Variants in DISC1 observed in about 807,000 individuals in gnomAD.
The protein encoded by DISC1 is DISC1 scaffold protein.
In DISC1, 57 loss-of-function variants were observed where a neutral mutation model predicts 84.5. The observed-to-expected ratio is 0.67, with a 90% CI of 0.55 to 0.84. The LOEUF (loss-of-function observed/expected upper bound fraction) is 0.84, where lower values mean the gene tolerates loss of function less well. Among genes scored for constraint, DISC1 ranks in the 40% least tolerant of loss-of-function variants. The pLI is 0.00. For synonymous variants in DISC1, 411 were observed against 415.2 expected (o/e 0.99, Z 0.12); for missense variants, 1,000 against 1,057.8 (o/e 0.95, Z 0.76).
rs887546171 is a variant in DISC1, at chr1:231,927,723, C to A, written c.1982-31105C>A. The stretch of plus-strand genomic sequence containing the variant: ...AGTAAAGGGCCCTGATAAAATGCGA[C>A]GAGAGCTAGGCACGTGGATTTTTAT... On this transcript the variant is annotated intron_variant, in intron 9 of 12. Coordinates refer to ENST00000439617, the MANE Select transcript of DISC1 (RefSeq NM_018662.3). Among the ~76,000 whole-genome samples, 5 of 152,274 alleles carry A rather than the reference C, an allele frequency of 3.3e-5. No homozygotes were observed. In the South Asian group the frequency reaches 1.0e-3, roughly 32 times the overall value.
intron 10 of DISC1, among the ~76,000 whole-genome samples, chr1:231,995,893 C>G (rs939789715): frequency 1.3e-5 from 2 of 151,550 alleles, no homozygotes; most frequent in Admixed American, 1.3e-4. Flanking sequence ...ATTTCCAGTT[C>G]TAGATCCCTG....
intron 8 of DISC1, among the ~76,000 whole-genome samples, chr1:231,814,172 T>C (rs146285618): frequency 3.9e-5 from 6 of 152,304 alleles, no homozygotes; most frequent in Middle Eastern, 3.4e-3. Context: ...GTTAGCAACA[T>C]AATTTATGTT....
rs1171826648 is a variant in DISC1, at chr1:231,954,682, G to A, written c.1982-4146G>A. Among the ~76,000 whole-genome samples, 2 of 152,184 alleles carry A rather than the reference G, an allele frequency of 1.3e-5. No homozygotes were observed. Among genetic ancestry groups the A allele is most frequent in the Non-Finnish European group, 2.9e-5 (2 of 68,036 alleles). On this transcript the variant is annotated intron_variant, in intron 9 of 12. Transcript: ENST00000439617. The surrounding 1 kb of genome is among the most constrained non-coding windows in gnomAD (Gnocchi z 4.8). ...TCCCTGCTCTACTGGACCTAAAATGGTAGGGAAGAAAGGAAGAGGAGGGGA... is the reference window on the plus strand; with the variant it reads ...TCCCTGCTCTACTGGACCTAAAATGATAGGGAAGAAAGGAAGAGGAGGGGA...
intron 9 of DISC1, among the ~76,000 whole-genome samples, chr1:231,917,473 A>G (rs889707243): frequency 2.6e-5 from 4 of 152,240 alleles, no homozygotes; most frequent in Admixed American, 6.5e-5. Context: ...TGTAGTATCA[A>G]TGGCTCCAAA....
At chr1:231,892,311 C>A (rs980912720) in intron 9 of DISC1, among the ~76,000 whole-genome samples, 1 of 152,106 alleles carries the variant, frequency 6.6e-6, no homozygotes, top group Non-Finnish European at 1.5e-5. Flanking sequence ...ACAGAGAATT[C>A]TTGGTGGATC....
intron 6 of DISC1, among the ~76,000 whole-genome samples, chr1:231,791,545 T>C (rs2078352699): frequency 6.6e-6 from 1 of 152,200 alleles, no homozygotes; most frequent in Non-Finnish European, 1.5e-5. Flanking sequence ...GTTCAATAAA[T>C]GTTGGATTCT....
chr1:231,656,056 T>A (rs931736978), intron 1 of DISC1, among the ~76,000 whole-genome samples: 1 of 152,230 alleles, frequency 6.6e-6, no homozygotes, highest in East Asian at 1.9e-4. Context: ...GTGTGTTTAC[T>A]CTAATGATTA....
At chr1:231,822,790 T>C (rs1485801824) in intron 9 of DISC1, among the ~76,000 whole-genome samples, 2 of 152,132 alleles carry the variant, frequency 1.3e-5, no homozygotes, top group Admixed American at 1.3e-4. Context: ...TCAGGCTGCT[T>C]CCACTCATGG....
At chr1:231,803,207 A>G (rs903636339) in intron 8 of DISC1, among the ~76,000 whole-genome samples, 7 of 152,130 alleles carry the variant, frequency 4.6e-5, no homozygotes, top group Non-Finnish European at 1.0e-4. Context: ...GGGCCTCTCT[A>G]TAGGCAGCTT....
chr1:231,885,003 G>A (rs773140408), intron 9 of DISC1, among the ~76,000 whole-genome samples: 2 of 152,060 alleles, frequency 1.3e-5, no homozygotes, highest in Non-Finnish European at 2.9e-5. Context: ...ATGGCCAACT[G>A]GCTTTAGAAG....
chr1:231,797,254 G>T (rs187543675), intron 7 of DISC1, among the ~76,000 whole-genome samples: 1 of 152,060 alleles, frequency 6.6e-6, no homozygotes, highest in Non-Finnish European at 1.5e-5. Context: ...ATACTGATAC[G>T]CACCCAATAT....
rs2065353864 is a variant in DISC1, at chr1:231,694,010, A to C, written c.252A>C (p.Arg84Ser). The part of the protein sequence containing the change: ...EESHHSESRA[R>S]QCGLDSRGLL... ...CCCACCACTCGGAGTCCAGGGCCAGACAGTGTGGCCTTGACTCGAGAGGCC... is the reference window on the plus strand; with the variant it reads ...CCCACCACTCGGAGTCCAGGGCCAGCCAGTGTGGCCTTGACTCGAGAGGCC... Residue 84 changes from arginine (R) to serine (S), a missense_variant, in exon 2 of 13, where the codon AGA (arginine) becomes AGC (serine). Coordinates refer to ENST00000439617, the MANE Select transcript of DISC1 (RefSeq NM_018662.3). 1 of 1,614,138 alleles carries C rather than the reference A, an allele frequency of 6.2e-7. No homozygotes were observed. The highest frequency in any genetic ancestry group is 1.3e-5 in the African/African-American group (1 of 75,052).
At chr1:231,918,126 G>T (rs569417512) in intron 9 of DISC1, among the ~76,000 whole-genome samples, 4 of 152,200 alleles carry the variant, frequency 2.6e-5, no homozygotes, top group African/African-American at 9.7e-5. Context: ...TTAGAAGGCC[G>T]CAGGGACTGT....
chr1:231,975,546 CA>C (rs1344060188), intron 10 of DISC1, among the ~76,000 whole-genome samples: 3 of 152,140 alleles, frequency 2.0e-5, no homozygotes, highest in Non-Finnish European at 4.4e-5. Context: ...CTATTTCCAA[CA>C]GCAAAGATAT....
chr1:231,778,675 A>G (rs1238825615), intron 6 of DISC1, among the ~76,000 whole-genome samples: 2 of 152,196 alleles, frequency 1.3e-5, no homozygotes, highest in African/African-American at 4.8e-5. Context: ...AATCTGGTAA[A>G]GGAGGAAGAG....
intron 4 of DISC1, among the ~76,000 whole-genome samples, chr1:231,758,972 G>T (rs1278568147): frequency 6.6e-6 from 1 of 152,156 alleles, no homozygotes; most frequent in East Asian, 1.9e-4. Context: ...TTTCCCAGGG[G>T]ATAACCTCAA....
intron 9 of DISC1, among the ~76,000 whole-genome samples, chr1:231,886,497 C>T (rs1340060995): frequency 6.6e-6 from 1 of 152,212 alleles, no homozygotes; most frequent in African/African-American, 2.4e-5. Context: ...CTCCTTCCCC[C>T]AGGCTCTAAA....
intron 3 of DISC1, among the ~76,000 whole-genome samples, chr1:231,748,205 T>G (rs2074223094): frequency 6.6e-6 from 1 of 152,222 alleles, no homozygotes; most frequent in South Asian, 2.1e-4. Flanking sequence ...ACTTCTGCCA[T>G]TCCAATTTGA....
chr1:231,770,674 T>C (rs1356804939), intron 5 of DISC1, among the ~76,000 whole-genome samples, 161 bp from the exon 6 acceptor site: 1 of 152,234 alleles, frequency 6.6e-6, no homozygotes, highest in South Asian at 2.1e-4. Context: ...TGGCATGATT[T>C]TTCCAGTTCA....
Sources: allele counts gnomAD v4.1 joint callset (sites outside exome capture counted in the v4.1 genomes callset), GRCh38; gene constraint gnomAD v4.1.1; non-coding constraint Gnocchi (gnomAD v3.1); transcripts MANE v1.5; gene names NCBI Gene and HGNC (gene_info 2026-07-23, HGNC 2026-07-21).